The following MYLK variants were observed in gnomAD, a reference collection of about 807,000 sequenced individuals.
MYLK encodes the protein myosin light chain kinase.
In MYLK, 106 loss-of-function variants were observed where a neutral mutation model predicts 203.4. The observed-to-expected ratio is 0.52, with a 90% CI of 0.45 to 0.61. The LOEUF (loss-of-function observed/expected upper bound fraction) is 0.61. Among genes scored for constraint, MYLK ranks in the 20% least tolerant of loss-of-function variants. The pLI is 0.00. For synonymous variants in MYLK, 867 were observed against 959.5 expected, an observed-to-expected ratio of 0.90 and a Z score of 1.78; for missense variants, 2,072 against 2,442.3, an observed-to-expected ratio of 0.85 and a Z score of 3.20.
intron 4 of MYLK, among the ~76,000 whole-genome samples, chr3:123,786,365 C>A (rs1183713861): frequency 6.6e-6 from 1 of 150,918 alleles, no homozygotes; most frequent in Non-Finnish European, 1.5e-5. Flanking sequence ...GTATTATAGG[C>A]GTTCAGAGAA....
chr3:123,735,222 C>T, intron 9 of MYLK, 176 bp downstream of exon 9: 4 of 840,128 alleles, frequency 4.8e-6, no homozygotes, highest in East Asian at 5.0e-5. Context: ...AGATAGAACC[C>T]GTGTGTCATA....
intron 19 of MYLK, chr3:123,692,372 T>C: frequency 8.5e-7 from 1 of 1,175,354 alleles, no homozygotes; most frequent in South Asian, 1.7e-5. Context: ...CTCGGACACT[T>C]GTTTGTTGTG....
intron 19 of MYLK, among the ~76,000 whole-genome samples, chr3:123,685,755 C>T (rs1291298512): frequency 6.6e-6 from 1 of 152,212 alleles, no homozygotes; most frequent in Non-Finnish European, 1.5e-5. Flanking sequence ...CCATCTGCCT[C>T]TGCCTCCGTC....
At chr3:123,731,927 C>T (rs111590446) in intron 11 of MYLK, among the ~76,000 whole-genome samples, 3 of 150,648 alleles carry the variant, frequency 2.0e-5, no homozygotes, top group Non-Finnish European at 1.5e-5. Flanking sequence ...AGAAGATTAT[C>T]AAAAATTATT....
chr3:123,701,394 G>A (rs760816902), intron 17 of MYLK, 44 bp downstream of exon 17: 1 of 1,593,682 alleles, frequency 6.3e-7, no homozygotes. Flanking sequence ...AGGAAGGTGG[G>A]GATGGGGGCA....
intron 14 of MYLK, 25 bp from the exon 15 acceptor site, chr3:123,708,920 G>T: frequency 6.2e-7 from 1 of 1,610,126 alleles, no homozygotes; most frequent in Non-Finnish European, 8.5e-7. Flanking sequence ...GGGGAAGGGG[G>T]ATTGGTTAGG....
At chr3:123,653,986 TTGTGTGTG>T (rs752791805) in intron 24 of MYLK, among the ~76,000 whole-genome samples, 4,542 of 137,742 alleles carry the variant, frequency 0.033, 84 homozygotes, top group South Asian at 0.073. Flanking sequence ...CAGAGGGATG[TTGTGTGTG>T]TGTGTGTGTG....
At chr3:123,774,402 G>A (rs189243947) in intron 4 of MYLK, among the ~76,000 whole-genome samples, 26 of 152,092 alleles carry the variant, frequency 1.7e-4, no homozygotes, top group African/African-American at 6.0e-4. Context: ...GTTCATTCTC[G>A]GGAAGTACAG....
At chr3:123,725,822 G>T in intron 12 of MYLK, 122 bp downstream of exon 12, 1 of 1,432,124 alleles carries the variant, frequency 7.0e-7, no homozygotes, top group South Asian at 1.4e-5. Flanking sequence ...TGTGCCCTGT[G>T]CTTCCTTCTC....
intron 10 of MYLK, among the ~76,000 whole-genome samples, chr3:123,733,305 T>C (rs1371296998): frequency 1.3e-5 from 2 of 152,068 alleles, no homozygotes; most frequent in African/African-American, 4.8e-5. Context: ...TTGAGGAGGA[T>C]GAATACAGCG....
At chr3:123,619,490 A>C (rs2057722679) in intron 32 of MYLK, among the ~76,000 whole-genome samples, 1 of 152,190 alleles carries the variant, frequency 6.6e-6, no homozygotes, top group Non-Finnish European at 1.5e-5. Flanking sequence ...AAGGGAATCT[A>C]AACTCAGATT....
At chr3:123,863,031 C>G (rs1310356856) in intron 2 of MYLK, among the ~76,000 whole-genome samples, 1 of 152,174 alleles carries the variant, frequency 6.6e-6, no homozygotes, top group Non-Finnish European at 1.5e-5. Context: ...TGCATCCAGA[C>G]TGCCTGGGTT....
intron 2 of MYLK, among the ~76,000 whole-genome samples, chr3:123,845,613 CCCAAGTAG>C (rs1211000274): frequency 4.6e-5 from 7 of 152,166 alleles, no homozygotes; most frequent in African/African-American, 1.7e-4. Context: ...GCCGTAGCCT[CCCAAGTAG>C]CCAGGACTAC....
At chr3:123,735,347 T>C in intron 9 of MYLK, 51 bp downstream of exon 9, 1 of 1,610,374 alleles carries the variant, frequency 6.2e-7, no homozygotes. Flanking sequence ...GTAACATCCT[T>C]GCAGGGCATT....
chr3:123,867,873 C>T (rs967680524), intron 2 of MYLK, among the ~76,000 whole-genome samples: 1 of 152,194 alleles, frequency 6.6e-6, no homozygotes, highest in South Asian at 2.1e-4. Flanking sequence ...CCTGCCTCCC[C>T]CAACACCACT....
intron 20 of MYLK, among the ~76,000 whole-genome samples, chr3:123,668,724 T>A (rs1484525517): frequency 6.6e-6 from 1 of 152,130 alleles, no homozygotes; most frequent in Non-Finnish European, 1.5e-5. Context: ...AACCACCCCA[T>A]ACAAACAGCA....
At chr3:123,709,346 T>A in intron 14 of MYLK, 1 of 268,904 alleles carries the variant, frequency 3.7e-6, no homozygotes, top group Admixed American at 5.0e-5. Flanking sequence ...TTTCACCGTG[T>A]TAGCCAGGAT....
chr3:123,766,772 AG>A, intron 4 of MYLK, among the ~76,000 whole-genome samples: 1 of 152,354 alleles, frequency 6.6e-6, no homozygotes. Flanking sequence ...TTAGTTCCAC[AG>A]GGCACAGCCC....
intron 1 of MYLK, among the ~76,000 whole-genome samples, chr3:123,880,823 T>C (rs1291747660): frequency 1.3e-5 from 2 of 152,164 alleles, no homozygotes; most frequent in African/African-American, 2.4e-5. Flanking sequence ...TGTTGCTGGC[T>C]CTCCTCCTGC....
Sources: gnomAD v4.1 joint callset for allele counts (sites outside exome capture counted in the v4.1 genomes callset) on GRCh38, gnomAD v4.1.1 for gene constraint, MANE v1.5 for transcripts, NCBI Gene and HGNC (gene_info 2026-07-23, HGNC 2026-07-21) for gene names.